TNRC6B: variants seen among roughly 807,000 people sequenced by gnomAD.
TNRC6B encodes trinucleotide repeat-containing gene 6B protein.
In TNRC6B, 52 loss-of-function variants were observed where a neutral mutation model predicts 203.6. The observed-to-expected ratio is 0.26, with a 90% CI of 0.20 to 0.32. The LOEUF is 0.32. TNRC6B is among the 10% of genes least tolerant of loss of function. TNRC6B has a pLI of 1.00. For synonymous variants in TNRC6B, 838 were observed against 845.7 expected (o/e 0.99, Z 0.16); for missense variants, 1,923 against 2,286.2 (o/e 0.84, Z 3.24).
Position 40,266,495 on chromosome 22 carries a change from G to T in TNRC6B, c.2265G>T (p.Gln755His), listed in dbSNP as rs762579884. 82 of 1,613,488 alleles carry T rather than the reference G, an allele frequency of 5.1e-5. No individual in the cohort carries two copies. Among genetic ancestry groups the T allele is most frequent in the Non-Finnish European group, 6.8e-5 (80 of 1,179,710 alleles). The change falls in exon 5 of 23, where the codon CAG (glutamine) becomes CAT (histidine). Residue 755 changes from glutamine to histidine, a missense_variant. Physicochemically the swap from Gln to His is conservative, Grantham distance 24. Transcript: ENST00000454349. ...ATGGTTGGGGGGAGGAAGTCGATCA[G>T]ACAAAAAACAGCAATTGGGAAAGTT... Reference protein sequence around the residue: ...GKNGWGEEVDQTKNSNWESSA... With the variant: ...GKNGWGEEVDHTKNSNWESSA...
chr22:40,308,475 G>A (rs1211882091), intron 15 of TNRC6B, 37 bp from the exon 16 acceptor site: 3 of 1,613,286 alleles, frequency 1.9e-6, no homozygotes, highest in Non-Finnish European at 2.5e-6. Context: ...TGATACTGAT[G>A]CTGGAGACTT....
Position 40,266,696 on chromosome 22 carries a change from GCAGCAGCCCCCA to G in TNRC6B, c.2475_2486del (p.Gln827_Pro830del). On this transcript the variant is annotated inframe_deletion, in exon 5 of 23. Coordinates refer to ENST00000454349, the MANE Select transcript of TNRC6B (RefSeq NM_001162501.2). ...ATTCCTGGAATAAACAACACCAACA[GCAGCAGCCCCCA>G]CAGCAGCCGCCGCCACCACAACCAG... 6.2e-7 allele frequency: 1 copy of G among 1,613,918 alleles called. No homozygotes were observed. The highest frequency in any genetic ancestry group is 8.5e-7 in the Non-Finnish European group (1 of 1,179,836).
chr22:40,213,987 G>C (rs1264696775), intron 1 of TNRC6B, among the ~76,000 whole-genome samples: 5 of 152,188 alleles, frequency 3.3e-5, no homozygotes. Flanking sequence ...GGGGTAGCAG[G>C]CTGGGCACGG....
At chr22:40,142,271 A>C (rs965452228) in intron 3 of TNRC6B, among the ~76,000 whole-genome samples, 22 of 149,998 alleles carry the variant, frequency 1.5e-4, no homozygotes, top group African/African-American at 5.2e-4. Context: ...TATGTTGCCC[A>C]GGCTGGTCTC....
At chr22:40,271,159 C>T (rs911551628) in intron 6 of TNRC6B, among the ~76,000 whole-genome samples, 1 of 152,202 alleles carries the variant, frequency 6.6e-6, no homozygotes, top group African/African-American at 2.4e-5. Flanking sequence ...TGTGTGGTCA[C>T]AGTAATGAGC....
In TNRC6B at chr22:40,167,952, A is replaced by G. The variant is rs76167893; in HGVS notation, c.113+11770A>G. ...CCTCCTAGAGCTTTAGGAGGGGCCC[A>G]TGAAAGTGAGGGGGCCTGCAGGTTT... On this transcript the variant is annotated intron_variant, in intron 4 of 23. Transcript: ENST00000301923. 2.7e-3 allele frequency among the ~76,000 whole-genome samples: 410 copies of G among 152,290 alleles called. 1 individual carries two copies. The highest frequency in any genetic ancestry group is 5.0e-3 in the South Asian group (24 of 4,826).
intron 1 of TNRC6B, among the ~76,000 whole-genome samples, chr22:40,102,238 G>C (rs964256162): frequency 3.3e-5 from 5 of 152,148 alleles, no homozygotes; most frequent in Non-Finnish European, 5.9e-5. Context: ...TATTGTGCCA[G>C]ATACTCATGT....
intron 1 of TNRC6B, among the ~76,000 whole-genome samples, chr22:40,245,089 T>G (rs1490283643): frequency 6.6e-6 from 1 of 151,894 alleles, no homozygotes; most frequent in Non-Finnish European, 1.5e-5. Context: ...ATTTATTTAT[T>G]TATTTATTTA....
At chr22:40,319,422 CTTTTTTT>C (rs374148213) in intron 21 of TNRC6B, among the ~76,000 whole-genome samples, 1 of 112,734 alleles carries the variant, frequency 8.9e-6, no homozygotes, top group Non-Finnish European at 2.0e-5. Flanking sequence ...CTTTTCTTTT[CTTTTTTT>C]TTTTTTTTTT....
chr22:40,056,470 C>A (rs369505714), intron 1 of TNRC6B, among the ~76,000 whole-genome samples: 20 of 152,028 alleles, frequency 1.3e-4, no homozygotes, highest in Non-Finnish European at 2.9e-5. Flanking sequence ...GGAAGCAGGA[C>A]GAGGTTGAGA....
intron 1 of TNRC6B, among the ~76,000 whole-genome samples, chr22:40,233,277 G>A (rs1569031437): frequency 6.6e-6 from 1 of 151,950 alleles, no homozygotes; most frequent in South Asian, 2.1e-4. Context: ...AGCCAAGATC[G>A]CGCCACTGCA....
intron 1 of TNRC6B, among the ~76,000 whole-genome samples, chr22:40,217,701 G>A (rs150553820): frequency 6.6e-5 from 10 of 152,240 alleles, no homozygotes; most frequent in African/African-American, 1.9e-4. Flanking sequence ...GAGGCCTGGT[G>A]CGGTGGCTCA....
At chr22:40,193,712 A>G (rs2069301466) in intron 1 of TNRC6B, among the ~76,000 whole-genome samples, 1 of 152,212 alleles carries the variant, frequency 6.6e-6, no homozygotes, top group Non-Finnish European at 1.5e-5. Context: ...AGGAAAAGTA[A>G]ATATGGAAAT....
intron 10 of TNRC6B, 142 bp from the exon 11 acceptor site, chr22:40,280,977 T>C (rs1817121936): frequency 3.0e-6 from 2 of 660,346 alleles, no homozygotes; most frequent in South Asian, 2.4e-5. Context: ...AAGATTATTA[T>C]CAGATCCAAA....
intron 3 of TNRC6B, among the ~76,000 whole-genome samples, chr22:40,141,202 T>TC (rs2068641540): frequency 7.0e-6 from 1 of 142,692 alleles, no homozygotes; most frequent in African/African-American, 2.6e-5. Context: ...TCAAATTCTG[T>TC]CCTTTTTTTT....
intron 17 of TNRC6B, among the ~76,000 whole-genome samples, chr22:40,311,688 C>T (rs944398752): frequency 5.3e-5 from 8 of 152,000 alleles, no homozygotes; most frequent in African/African-American, 1.9e-4. Flanking sequence ...ATTACAGGCG[C>T]CTGCTACCAC....
chr22:40,285,825 C>T, intron 12 of TNRC6B, 55 bp downstream of exon 12: 4 of 1,595,140 alleles, frequency 2.5e-6, no homozygotes, highest in Non-Finnish European at 3.4e-6. Context: ...CACATCATTA[C>T]CAGTTGTTAA....
At chr22:40,051,810 T>C (rs1448963899) in intron 1 of TNRC6B, among the ~76,000 whole-genome samples, 1 of 152,240 alleles carries the variant, frequency 6.6e-6, no homozygotes, top group Non-Finnish European at 1.5e-5. Context: ...TTTTATAGCA[T>C]TTTATTGACT....
intron 1 of TNRC6B, among the ~76,000 whole-genome samples, chr22:40,058,585 C>T (rs1417835059): frequency 6.6e-6 from 1 of 152,226 alleles, no homozygotes; most frequent in Admixed American, 6.5e-5. Context: ...GTCATTTTCT[C>T]TTGCTTTGCT....
Sources: gnomAD v4.1 joint callset for allele counts (sites outside exome capture counted in the v4.1 genomes callset) on GRCh38, gnomAD v4.1.1 for gene constraint, MANE v1.5 for transcripts, NCBI Gene and HGNC (gene_info 2026-07-23, HGNC 2026-07-21) for gene names.